The following CDCA5 variants were observed in gnomAD, a reference collection of about 807,000 sequenced individuals.
The protein encoded by CDCA5 is sororin.
In CDCA5, 14 loss-of-function variants were observed where a neutral mutation model predicts 25.7. The observed-to-expected ratio is 0.54, with a 90% CI of 0.36 to 0.85. CDCA5 has a LOEUF of 0.85. Among genes scored for constraint, CDCA5 ranks in the 40% least tolerant of loss-of-function variants. The probability of loss-of-function intolerance (pLI) is 0.01; values close to 1 mark genes in which losing one functional copy is unlikely to be tolerated. For synonymous variants in CDCA5, 127 were observed against 128.7 expected (o/e 0.99, Z 0.09); for missense variants, 307 against 324.5 (o/e 0.95, Z 0.41).
At chr11:65,067,608 G>GACAACA (rs1565265686) in intron 4 of CDCA5, 17 of 1,203,032 alleles carry the variant, frequency 1.4e-5, no homozygotes, top group African/African-American at 4.7e-5. Flanking sequence ...CCTTGGTCGG[G>GACAACA]GGAAGCCCTG....
intron 1 of CDCA5, among the ~76,000 whole-genome samples, chr11:65,070,630 TG>T (rs1313651089): frequency 1.3e-5 from 2 of 152,126 alleles, no homozygotes; most frequent in African/African-American, 4.8e-5. Flanking sequence ...ACTGCAGGCC[TG>T]GCACCACACC....
intron 1 of CDCA5, among the ~76,000 whole-genome samples, chr11:65,071,091 G>A (rs1182810032): frequency 2.0e-5 from 3 of 151,310 alleles, no homozygotes; most frequent in Non-Finnish European, 2.9e-5. Context: ...ACAGGTGCCC[G>A]CCACCACACC....
At chr11:65,077,397 G>T, downstream of CDCA5, 2 of 936,598 alleles carry the variant, frequency 2.1e-6, no homozygotes, top group Non-Finnish European at 2.5e-6. Flanking sequence ...CAGCCCACTG[G>T]AGGCCTGGCC....
At chr11:65,067,931 G>T in intron 3 of CDCA5, 1 of 932,312 alleles carries the variant, frequency 1.1e-6, no homozygotes, top group Non-Finnish European at 1.5e-6. Context: ...GGTGTGGGGT[G>T]GGGAGAAACA....
chr11:65,078,182 C>G lies in CDCA5; in HGVS notation c.*925G>C. 1.0e-6 allele frequency: 1 copy of G among 985,450 alleles called. No homozygotes were observed. The highest frequency in any genetic ancestry group is 1.2e-6 in the Non-Finnish European group (1 of 829,940). 61.0% of individuals were successfully genotyped at this position (985,450 alleles called of 1,614,324 possible). A position where few individuals can be genotyped will look rare whatever the true frequency, so the allele number is the denominator to read the frequency against. On this transcript the variant is annotated 3_prime_UTR_variant, in exon 6 of 6. Transcript: ENST00000275517. Reference sequence around the variant, plus strand: ...AGTAGGTCTGGGACTCTTCAACTTTCTCTTCTAGGGCCAAGTAGACTCGGT... The same window carrying G: ...AGTAGGTCTGGGACTCTTCAACTTTGTCTTCTAGGGCCAAGTAGACTCGGT...
downstream of CDCA5, among the ~76,000 whole-genome samples, chr11:65,061,394 G>A (rs946701325): frequency 4.6e-5 from 7 of 152,154 alleles, no homozygotes; most frequent in Non-Finnish European, 8.8e-5. Flanking sequence ...ACCCAACCAA[G>A]CCACTTTCAG....
At chr11:65,082,035 G>T (rs182853572) in intron 4 of CDCA5, among the ~76,000 whole-genome samples, 1 of 152,260 alleles carries the variant, frequency 6.6e-6, no homozygotes, top group East Asian at 1.9e-4. Context: ...AAGGCCACTG[G>T]GGGGCAATTC....
intron 1 of CDCA5, among the ~76,000 whole-genome samples, chr11:65,071,408 G>A (rs1947341074): frequency 6.7e-6 from 1 of 149,688 alleles, no homozygotes; most frequent in South Asian, 2.1e-4. Flanking sequence ...GTGTAGTGGT[G>A]CGATCTCGGA....
chr11:65,069,192 T>A, intron 1 of CDCA5, among the ~76,000 whole-genome samples: 1 of 149,440 alleles, frequency 6.7e-6, no homozygotes, highest in Non-Finnish European at 1.5e-5. Flanking sequence ...CTCAGGTGTG[T>A]TTGCATCACT....
chr11:65,068,052 G>C (rs969633049), exon 3 of CDCA5: 8 of 1,289,192 alleles, frequency 6.2e-6, no homozygotes, highest in South Asian at 1.2e-5. Context: ...GGCTCAGTGG[G>C]CTCAGAGGTG....
Position 65,077,836 on chromosome 11 carries a change from T to G in CDCA5, c.*1271A>C, listed in dbSNP as rs1947476632. ...ACCCTGACCCAGCACTCATCTTCCCTGGCATTCTCTGTTATCCACCAGCTC... is the reference window on the plus strand; with the variant it reads ...ACCCTGACCCAGCACTCATCTTCCCGGGCATTCTCTGTTATCCACCAGCTC... On this transcript the variant is annotated 3_prime_UTR_variant, in exon 6 of 6. Coordinates refer to ENST00000275517, the MANE Select transcript of CDCA5 (RefSeq NM_080668.4). 1 of 985,684 alleles carries G rather than the reference T, an allele frequency of 1.0e-6. No homozygotes were observed. The highest frequency in any genetic ancestry group is 1.7e-5 in the African/African-American group (1 of 57,248). 61.1% of individuals were successfully genotyped at this position (985,684 alleles called of 1,614,324 possible).
chr11:65,084,033 C>T lies in CDCA5; in HGVS notation c.-55G>A. The T allele has an allele frequency of 6.4e-7, 1 of 1,569,752 alleles. No homozygotes were observed. The highest frequency in any genetic ancestry group is 1.9e-5 in the Admixed American group (1 of 53,346). ...CGCCGCCGCCCCGGGCGCGCGCCAA[C>T]CGGGAAGGCCACTCGCTGCAAAAAA... On this transcript the variant is annotated 5_prime_UTR_variant, in exon 1 of 6. Coordinates refer to ENST00000275517, the MANE Select transcript of CDCA5 (RefSeq NM_080668.4).
rs1947497372 is a variant in CDCA5 at position 65,078,866 on chromosome 11, G to C, written c.*241C>G. ...CTATGGTACTTTGGGGAGATAGGAA[G>C]GACAGGACGACAAGAGACAGGACAC... On this transcript the variant is annotated 3_prime_UTR_variant, in exon 6 of 6. Transcript: ENST00000275517. 1 of 1,225,676 alleles carries C rather than the reference G, an allele frequency of 8.2e-7. No individual in the cohort carries two copies. Among genetic ancestry groups the C allele is most frequent in the East Asian group, 3.2e-5 (1 of 30,956 alleles). 75.9% of individuals were successfully genotyped at this position (1,225,676 alleles called of 1,614,324 possible). A position where few individuals can be genotyped will look rare whatever the true frequency, so the allele number is the denominator to read the frequency against.
chr11:65,067,204 C>T (rs973709379), intron 4 of CDCA5, among the ~76,000 whole-genome samples: 3 of 152,194 alleles, frequency 2.0e-5, no homozygotes, highest in Non-Finnish European at 4.4e-5. Flanking sequence ...TAGGGCTAGC[C>T]GCTCCTTTGG....
At chr11:65,061,363 G>GA (rs1341859684), downstream of CDCA5, among the ~76,000 whole-genome samples, 1 of 152,160 alleles carries the variant, frequency 6.6e-6, no homozygotes, top group African/African-American at 2.4e-5. Flanking sequence ...GCAGCCTCAC[G>GA]AGAGTCCCTC....
At chr11:65,062,790 T>C (rs532784489), downstream of CDCA5, among the ~76,000 whole-genome samples, 2 of 152,084 alleles carry the variant, frequency 1.3e-5, no homozygotes, top group Non-Finnish European at 2.9e-5. Flanking sequence ...TAAAATAAAA[T>C]TGCATTCCTC....
intron 2 of CDCA5, chr11:65,068,133 C>G: frequency 7.8e-7 from 1 of 1,284,362 alleles, no homozygotes. Flanking sequence ...GCAGAGAAAG[C>G]GCCAAGGTGA....
chr11:65,073,110 A>G (rs1031926231), downstream of CDCA5, among the ~76,000 whole-genome samples: 8 of 151,316 alleles, frequency 5.3e-5, no homozygotes, highest in Admixed American at 2.6e-4. Flanking sequence ...ATGCCCGGCT[A>G]ATTTTTGTAT....
At chr11:65,080,186 G>A (rs1216965828) in intron 4 of CDCA5, among the ~76,000 whole-genome samples, 4 of 152,086 alleles carry the variant, frequency 2.6e-5, no homozygotes, top group Non-Finnish European at 5.9e-5. Flanking sequence ...CACCATGCCC[G>A]GCCAACACAC....
Sources: gnomAD v4.1 joint callset for allele counts (sites outside exome capture counted in the v4.1 genomes callset) on GRCh38, gnomAD v4.1.1 for gene constraint, MANE v1.5 for transcripts, NCBI Gene and HGNC (gene_info 2026-07-23, HGNC 2026-07-21) for gene names.